NAALADL2: variants seen among roughly 807,000 people sequenced by gnomAD.
NAALADL2 encodes N-acetylated alpha-linked acidic dipeptidase like 2.
A neutral mutation model predicts 87.2 loss-of-function variants in NAALADL2; 76 were observed. That is an observed-to-expected ratio of 0.87 (90% confidence interval 0.72 to 1.05). The LOEUF (loss-of-function observed/expected upper bound fraction) is 1.05, where lower values mean the gene tolerates loss of function less well. Ranked by LOEUF, NAALADL2 falls within the 50% of genes least tolerant of loss-of-function variation. The pLI is 0.00. For missense variants in NAALADL2, 1,089 were observed against 945.8 expected (o/e 1.15, Z -1.99); for synonymous variants, 354 against 331.0 (o/e 1.07, Z -0.75).
intron 9 of NAALADL2, among the ~76,000 whole-genome samples, chr3:175,556,472 C>T (rs1230475716): frequency 6.6e-6 from 1 of 152,032 alleles, no homozygotes; most frequent in Non-Finnish European, 1.5e-5. Flanking sequence ...AGATAATATA[C>T]CTTAAAAAAT....
chr3:174,573,304 G>A (rs993859504), intron 2 of NAALADL2, among the ~76,000 whole-genome samples: 1 of 152,024 alleles, frequency 6.6e-6, no homozygotes, highest in Non-Finnish European at 1.5e-5. Context: ...GTCTTACTCT[G>A]TTGCCCAGGC....
intron 1 of NAALADL2, among the ~76,000 whole-genome samples, chr3:174,488,593 C>A (rs1217862207): frequency 6.6e-6 from 1 of 151,982 alleles, no homozygotes; most frequent in Non-Finnish European, 1.5e-5. Flanking sequence ...GAAAGGAAGA[C>A]TTCTCAATTT....
chr3:175,223,094 C>CTGTGTA (rs1553820055), intron 2 of NAALADL2, among the ~76,000 whole-genome samples: 1 of 147,488 alleles, frequency 6.8e-6, no homozygotes, highest in African/African-American at 2.5e-5. Flanking sequence ...CATAGTTACT[C>CTGTGTA]TGTGTGTGTG....
chr3:174,805,922 A>T (rs1232884412), intron 3 of NAALADL2, among the ~76,000 whole-genome samples: 2 of 152,170 alleles, frequency 1.3e-5, no homozygotes, highest in African/African-American at 4.8e-5. Flanking sequence ...TTAGGCCTGA[A>T]TTATTCTATA....
chr3:175,183,095 T>C (rs1384195475), intron 2 of NAALADL2, among the ~76,000 whole-genome samples: 2 of 152,014 alleles, frequency 1.3e-5, no homozygotes, highest in African/African-American at 4.8e-5. Context: ...TGGAATTTTG[T>C]TAGAGATTGT....
Position 175,546,095 on chromosome 3 carries a change from C to CT in NAALADL2, c.1654-29945dup, listed in dbSNP as rs563523855. Among the ~76,000 whole-genome samples, 5 of 152,186 alleles carry CT rather than the reference C, an allele frequency of 3.3e-5. No individual in the cohort carries two copies. The South Asian group carries it at 1.0e-3, about 32-fold the overall frequency. On this transcript the variant is annotated intron_variant, in intron 9 of 13. Transcript: ENST00000454872. ...GAAGTGGAAACTGGTAGACTAAATG[C>CT]TGAGGTATTAAGACAGCATGAGCAT...
At chr3:175,364,075 A>G (rs1396003757) in intron 5 of NAALADL2, among the ~76,000 whole-genome samples, 1 of 147,720 alleles carries the variant, frequency 6.8e-6, no homozygotes, top group African/African-American at 2.5e-5. Context: ...TGTGTTAGTG[A>G]AGACTTACCC....
At chr3:175,043,573 G>A (rs1387291763) in intron 1 of NAALADL2, among the ~76,000 whole-genome samples, 1 of 152,112 alleles carries the variant, frequency 6.6e-6, no homozygotes, top group Non-Finnish European at 1.5e-5. Flanking sequence ...GTTGATTAAG[G>A]ATCCAATTTT....
chr3:175,066,820 C>T (rs1379439157), intron 1 of NAALADL2, among the ~76,000 whole-genome samples: 3 of 152,120 alleles, frequency 2.0e-5, no homozygotes, highest in Admixed American at 2.0e-4. Context: ...CGCTTGTGAA[C>T]ACACATGTAG....
At chr3:174,999,912 G>A (rs965602327) in intron 1 of NAALADL2, among the ~76,000 whole-genome samples, 1 of 152,058 alleles carries the variant, frequency 6.6e-6, no homozygotes, top group Non-Finnish European at 1.5e-5. Context: ...TCCAAATGGA[G>A]AACTTCTAGT....
intron 10 of NAALADL2, among the ~76,000 whole-genome samples, chr3:175,602,648 A>G (rs1287296314): frequency 1.3e-5 from 2 of 152,144 alleles, no homozygotes; most frequent in African/African-American, 2.4e-5. Flanking sequence ...ACCAGTAGAT[A>G]TTTATTATAC....
rs528838699 is a variant in NAALADL2, at chr3:175,370,501, G to C, written c.1090+46176G>C. The stretch of plus-strand genomic sequence containing the variant: ...AATTTAGAGTTACTGCCAATATATG[G>C]GGGGGGGAGGGATTTTATAAAAATA... On this transcript the variant is annotated intron_variant, in intron 5 of 13. Transcript: ENST00000454872. Among the ~76,000 whole-genome samples the C allele has an allele frequency of 2.5e-3, 377 of 150,552 alleles. 2 individuals carry two copies. Among genetic ancestry groups the C allele is most frequent in the African/African-American group, 8.8e-3 (361 of 40,808 alleles).
chr3:175,640,365 T>C (rs970826619), intron 11 of NAALADL2, among the ~76,000 whole-genome samples: 2 of 152,150 alleles, frequency 1.3e-5, no homozygotes, highest in African/African-American at 4.8e-5. Flanking sequence ...TCAGTATTCA[T>C]TGGTGTTTTT....
chr3:174,533,245 G>A (rs937759734), intron 1 of NAALADL2, among the ~76,000 whole-genome samples: 1 of 151,766 alleles, frequency 6.6e-6, no homozygotes, highest in Non-Finnish European at 1.5e-5. Context: ...GTGCTCTCAT[G>A]GCGACTGGCC....
At chr3:175,522,895 T>C (rs1330627821) in intron 9 of NAALADL2, among the ~76,000 whole-genome samples, 1 of 152,226 alleles carries the variant, frequency 6.6e-6, no homozygotes, top group Non-Finnish European at 1.5e-5. Context: ...CTTAAAATCA[T>C]CCAACTGTAT....
At chr3:174,943,523 T>C (rs1289180962) in intron 1 of NAALADL2, among the ~76,000 whole-genome samples, 1 of 152,172 alleles carries the variant, frequency 6.6e-6, no homozygotes, top group African/African-American at 2.4e-5. Flanking sequence ...CCACTGCAGC[T>C]CTGGGGCAAT....
At chr3:174,982,948 C>T (rs1745316859) in intron 1 of NAALADL2, among the ~76,000 whole-genome samples, 1 of 152,132 alleles carries the variant, frequency 6.6e-6, no homozygotes, top group South Asian at 2.1e-4. Flanking sequence ...CAGGTGCCCG[C>T]CACCACGCCT....
chr3:174,684,559 A>T (rs1431131059), intron 2 of NAALADL2, among the ~76,000 whole-genome samples: 1 of 152,116 alleles, frequency 6.6e-6, no homozygotes, highest in Non-Finnish European at 1.5e-5. Context: ...CCTTGCTGAG[A>T]TTCATGAATT....
At chr3:174,798,789 A>G (rs1161855121) in intron 3 of NAALADL2, among the ~76,000 whole-genome samples, 1 of 152,120 alleles carries the variant, frequency 6.6e-6, no homozygotes, top group Non-Finnish European at 1.5e-5. Context: ...ACCTTGCTGA[A>G]TTCATTTATT....
Sources: gnomAD v4.1 joint callset for allele counts (sites outside exome capture counted in the v4.1 genomes callset) on GRCh38, gnomAD v4.1.1 for gene constraint, MANE v1.5 for transcripts, NCBI Gene and HGNC (gene_info 2026-07-23, HGNC 2026-07-21) for gene names.